The following KMT2C variants were observed in gnomAD, a reference collection of about 807,000 sequenced individuals.
KMT2C encodes the protein histone-lysine N-methyltransferase 2C.
A neutral mutation model predicts 507.9 loss-of-function variants in KMT2C; 88 were observed. The ratio of observed to expected loss-of-function variants is 0.17; its 90% CI spans 0.15 to 0.21. KMT2C has a LOEUF of 0.21. Ranked by LOEUF, KMT2C falls within the 10% of genes least tolerant of loss-of-function variation. The pLI is 1.00. For missense variants in KMT2C, 4,954 were observed against 5,957.8 expected (o/e 0.83, Z 5.55); for synonymous variants, 2,049 against 2,080.8 (o/e 0.98, Z 0.42).
chr7:152,227,811 G>T (rs1204022351), intron 18 of KMT2C, among the ~76,000 whole-genome samples: 11 of 152,170 alleles, frequency 7.2e-5, no homozygotes, highest in Admixed American at 6.5e-4. Context: ...TACATCTACT[G>T]GGAATTTGTA....
At chr7:152,409,224 C>T (rs1297636554) in intron 1 of KMT2C, among the ~76,000 whole-genome samples, 1 of 151,878 alleles carries the variant, frequency 6.6e-6, no homozygotes, top group Non-Finnish European at 1.5e-5. Context: ...CCAGGCTGGT[C>T]TTGAACGCCT....
chr7:152,409,961 A>C (rs549308878), intron 1 of KMT2C, among the ~76,000 whole-genome samples: 903 of 152,338 alleles, frequency 5.9e-3, no homozygotes, highest in African/African-American at 0.02. Flanking sequence ...TAGCTAATAA[A>C]ACTACTTAAA....
At position 152,307,255 on chromosome 7, in the gene KMT2C, TAGGA is replaced by T. The variant is rs1203026089; in HGVS notation, c.849+2707_849+2710del. On this transcript the variant is annotated intron_variant, in intron 6 of 58. Transcript: ENST00000262189. ...GAAGGAAGGAAGGAAGGAAGGACGG[TAGGA>T]AGGAAGGAAGGAAGAAAGAAAGGAA... 1.2e-3 allele frequency among the ~76,000 whole-genome samples: 59 copies of T among 49,364 alleles called. No individual in the cohort carries two copies. The South Asian group carries it at 0.014, about 12-fold the overall frequency. The allele number at this position is 49,364 out of a possible 152,430, so 32.4% of individuals were successfully genotyped here. A position where few individuals can be genotyped will look rare whatever the true frequency, so the allele number is the denominator to read the frequency against.
intron 23 of KMT2C, among the ~76,000 whole-genome samples, chr7:152,216,595 C>T (rs1322728620): frequency 2.0e-5 from 3 of 152,178 alleles, no homozygotes; most frequent in Non-Finnish European, 2.9e-5. Context: ...ATAAAGGAAA[C>T]TGTCAGATAT....
intron 23 of KMT2C, among the ~76,000 whole-genome samples, chr7:152,215,423 A>AGAATGGCGT (rs1391104163): frequency 6.9e-6 from 1 of 145,038 alleles, no homozygotes; most frequent in East Asian, 2.3e-4. Context: ...CTGAGGCAGG[A>AGAATGGCGT]GAATGGCGTG....
At chr7:152,288,965 G>T (rs1316114167) in intron 6 of KMT2C, among the ~76,000 whole-genome samples, 1 of 152,278 alleles carries the variant, frequency 6.6e-6, no homozygotes, top group African/African-American at 2.4e-5. Flanking sequence ...GGGAAATCAA[G>T]AAATTGTGAG....
At chr7:152,318,311 C>T (rs2096740374) in intron 3 of KMT2C, among the ~76,000 whole-genome samples, 2 of 150,860 alleles carry the variant, frequency 1.3e-5, no homozygotes, top group South Asian at 4.2e-4. Context: ...TTAGATCTAA[C>T]AATTGGGTGC....
At position 152,174,262 on chromosome 7, in the gene KMT2C, T is replaced by C. The variant is rs371169696; in HGVS notation, c.9263-20A>G. ...CAAAATCTAGAAAAGAAATATAAAG[T>C]TACTTATTTCATAGTAATTAGTTCA... On this transcript the variant is annotated intron_variant, in intron 38 of 58. Coordinates refer to ENST00000262189, the MANE Select transcript of KMT2C (RefSeq NM_170606.3). 16 of 1,297,150 alleles carry C rather than the reference T, an allele frequency of 1.2e-5. No individual in the cohort carries two copies. In the African/African-American group the frequency reaches 2.4e-4, roughly 19 times the overall value. The allele number at this position is 1,297,150 out of a possible 1,614,324, so 80.4% of individuals were successfully genotyped here.
At position 152,252,631 on chromosome 7, in the gene KMT2C, G is replaced by T. The variant is rs2095579744; in HGVS notation, c.1384C>A (p.Gln462Lys). ...CAGAAGGGACATAAGTTATCCTGCT[G>T]TTGGTAACAATTGTCACATATCAGG... Reference protein sequence around the residue: ...NCLICDNCYQQQDNLCPFCGK... With the variant: ...NCLICDNCYQKQDNLCPFCGK... The change falls in exon 10 of 59, where the codon CAG becomes AAG. Residue 462 changes from glutamine (Q) to lysine (K), a missense_variant. Transcript: ENST00000262189. 3 of 1,613,214 alleles carry T rather than the reference G, an allele frequency of 1.9e-6. No homozygotes were observed. The highest frequency in any genetic ancestry group is 2.5e-6 in the Non-Finnish European group (3 of 1,179,396).
At chr7:152,262,303 A>C (rs2095794238) in intron 9 of KMT2C, among the ~76,000 whole-genome samples, 1 of 151,376 alleles carries the variant, frequency 6.6e-6, no homozygotes, top group Non-Finnish European at 1.5e-5. Context: ...TCCAGGAAAA[A>C]CCCGCTCCAG....
chr7:152,302,349 G>A (rs569500313), intron 6 of KMT2C, among the ~76,000 whole-genome samples: 8 of 150,798 alleles, frequency 5.3e-5, no homozygotes, highest in Non-Finnish European at 7.4e-5. Context: ...TCAGCCTCTC[G>A]AGTAGCTGGG....
intron 3 of KMT2C, among the ~76,000 whole-genome samples, chr7:152,320,755 C>G (rs1044826735): frequency 6.6e-6 from 1 of 151,828 alleles, no homozygotes; most frequent in African/African-American, 2.4e-5. Flanking sequence ...GTTTGAGATA[C>G]TATATTCAGC....
At chr7:152,420,650 C>T (rs1379403759) in intron 1 of KMT2C, among the ~76,000 whole-genome samples, 2 of 152,134 alleles carry the variant, frequency 1.3e-5, no homozygotes, top group African/African-American at 2.4e-5. Context: ...TTCTGGCCAA[C>T]ATGGTGAAAC....
rs2129104443 is a variant in KMT2C, at chr7:152,163,409, G to A, written c.10168C>T (p.Pro3390Ser). The change falls in exon 43 of 59, where the codon CCC becomes TCC. Residue 3390 changes from proline to serine, a missense_variant. Physicochemically the swap from Pro to Ser is moderately conservative, Grantham distance 74. This residue lies in a region of KMT2C where 801 missense variants were observed against 751.2 expected (regional missense o/e 1.07). Coordinates refer to ENST00000262189, the MANE Select transcript of KMT2C (RefSeq NM_170606.3). Reference sequence around the variant, plus strand: ...CGTTCTTGAAAACTTTCACTAAAGGGATTGTTGTCATCAAATTCTACCCGA... The same window carrying A: ...CGTTCTTGAAAACTTTCACTAAAGGAATTGTTGTCATCAAATTCTACCCGA... ...PPRVEFDDNN[P>S]FSESFQERER... The A allele has an allele frequency of 2.5e-6, 4 of 1,614,212 alleles. No individual in the cohort carries two copies. Among genetic ancestry groups the A allele is most frequent in the Non-Finnish European group, 3.4e-6 (4 of 1,180,042 alleles).
intron 3 of KMT2C, among the ~76,000 whole-genome samples, chr7:152,317,620 A>G (rs2096732862): frequency 6.6e-6 from 1 of 152,224 alleles, no homozygotes; most frequent in East Asian, 1.9e-4. Flanking sequence ...AGTGTGAAAC[A>G]CAGTGAGACT....
intron 33 of KMT2C, among the ~76,000 whole-genome samples, chr7:152,186,834 A>G (rs1487015218): frequency 6.6e-6 from 1 of 152,176 alleles, no homozygotes; most frequent in East Asian, 1.9e-4. Context: ...AGGCAGTGGT[A>G]ATAGCTGGGC....
intron 23 of KMT2C, among the ~76,000 whole-genome samples, chr7:152,217,548 A>T (rs1407549160): frequency 2.6e-5 from 4 of 152,184 alleles, no homozygotes; most frequent in Non-Finnish European, 4.4e-5. Flanking sequence ...CAATTCCTTA[A>T]ATTCTAAAAT....
chr7:152,308,971 TG>T (rs1481490881), intron 6 of KMT2C, among the ~76,000 whole-genome samples: 1 of 152,194 alleles, frequency 6.6e-6, no homozygotes, highest in African/African-American at 2.4e-5. Flanking sequence ...GGAAAAGCTC[TG>T]AAAAATGGCA....
intron 23 of KMT2C, among the ~76,000 whole-genome samples, chr7:152,217,989 C>G (rs2094629973): frequency 6.6e-6 from 1 of 152,162 alleles, no homozygotes; most frequent in Non-Finnish European, 1.5e-5. Flanking sequence ...TCAATTCCTC[C>G]TAAGTATATG....
Sources: gnomAD v4.1 joint callset for allele counts (sites outside exome capture counted in the v4.1 genomes callset) on GRCh38, gnomAD v4.1.1 for gene constraint, gnomAD v4.1.1 regional missense constraint, MANE v1.5 for transcripts, NCBI Gene and HGNC (gene_info 2026-07-23, HGNC 2026-07-21) for gene names.